NTAQ1: variants seen among roughly 807,000 people sequenced by gnomAD.
NTAQ1 encodes N-terminal glutamine amidase 1, also known as protein N-terminal glutamine amidohydrolase.
A neutral mutation model predicts 28.2 loss-of-function variants in NTAQ1; 21 were observed. That is an observed-to-expected ratio of 0.74 (90% CI 0.53 to 1.07). The LOEUF (loss-of-function observed/expected upper bound fraction) is 1.07, where lower values mean the gene tolerates loss of function less well. NTAQ1 is among the 50% of genes least tolerant of loss of function. The pLI, the probability that NTAQ1 is intolerant of heterozygous loss-of-function variation, is 0.00. For synonymous variants in NTAQ1, 105 were observed against 90.0 expected (o/e 1.17, Z -0.94); for missense variants, 264 against 256.6 (o/e 1.03, Z -0.20).
At chr8:123,444,055 CTT>C (rs398068230), downstream of NTAQ1, among the ~76,000 whole-genome samples, 2 of 132,934 alleles carry the variant, frequency 1.5e-5, no homozygotes, top group African/African-American at 2.9e-5. Flanking sequence ...TAAACTTTTT[CTT>C]TTTTTTTTTT....
chr8:123,457,861 G>T (rs1472722468), intron 6 of NTAQ1, among the ~76,000 whole-genome samples: 1 of 151,368 alleles, frequency 6.6e-6, no homozygotes, highest in Non-Finnish European at 1.5e-5. Flanking sequence ...TGGTGAAACT[G>T]CATCTCTGCT....
chr8:123,420,590 CTT>C (rs71310676), intron 1 of NTAQ1, among the ~76,000 whole-genome samples: 58 of 102,054 alleles, frequency 5.7e-4, no homozygotes, highest in African/African-American at 1.8e-3. Flanking sequence ...TATTTTTTGC[CTT>C]TTTTTTTTTT....
At chr8:123,437,356 G>T in intron 5 of NTAQ1, 22 bp downstream of exon 5, 1 of 1,613,450 alleles carries the variant, frequency 6.2e-7, no homozygotes, top group South Asian at 1.1e-5. Context: ...TGCCTTCTCA[G>T]ATGGGGGTTC....
At chr8:123,449,171 C>T (rs1479891735), downstream of NTAQ1, among the ~76,000 whole-genome samples, 1 of 152,194 alleles carries the variant, frequency 6.6e-6, no homozygotes. Context: ...AGTGTTCTGA[C>T]TGAGTCTGGT....
At chr8:123,436,215 T>C (rs1300870455) in intron 3 of NTAQ1, among the ~76,000 whole-genome samples, 1 of 151,838 alleles carries the variant, frequency 6.6e-6, no homozygotes, top group Non-Finnish European at 1.5e-5. Flanking sequence ...AAATTGCAGT[T>C]TCAGAGGATG....
At chr8:123,469,500 C>T (rs1280161042) in exon 7 of NTAQ1, among the ~76,000 whole-genome samples, 2 of 152,162 alleles carry the variant, frequency 1.3e-5, no homozygotes, top group African/African-American at 4.8e-5. Flanking sequence ...TGTTTGTCTT[C>T]TCCCTTCTAA....
rs373023368 is a variant in NTAQ1, at chr8:123,437,306, G to A, written c.480G>A (p.Pro160=). The A allele has an allele frequency of 2.6e-5, 42 of 1,613,852 alleles. No homozygotes were observed. The highest frequency in any genetic ancestry group is 1.6e-4 in the Middle Eastern group (1 of 6,084). Residue 160 remains proline (P), a synonymous_variant, in exon 5 of 6, where the codon CCG becomes CCA. Coordinates refer to ENST00000287387, the MANE Select transcript of NTAQ1 (RefSeq NM_018024.3). The stretch of plus-strand genomic sequence containing the variant: ...CCAGTGGGAATTGGAGAGAGCCTCC[G>A]CCGCCATATCCCTGCATTGAGACTG... ...KDSSGNWREP[P]PPYPCIETGD...
intron 1 of NTAQ1, among the ~76,000 whole-genome samples, chr8:123,425,386 C>T (rs1253918625): frequency 6.6e-6 from 1 of 152,026 alleles, no homozygotes; most frequent in Non-Finnish European, 1.5e-5. Flanking sequence ...GCCACCATGC[C>T]CGGCCCAGTC....
intron 1 of NTAQ1, among the ~76,000 whole-genome samples, chr8:123,421,159 C>T (rs1312400559): frequency 2.0e-5 from 3 of 152,202 alleles, no homozygotes; most frequent in African/African-American, 7.2e-5. Context: ...TCATGGCTCA[C>T]TGCAGCCTCG....
At chr8:123,442,633 G>A (rs1387005625), downstream of NTAQ1, among the ~76,000 whole-genome samples, 1 of 149,972 alleles carries the variant, frequency 6.7e-6, no homozygotes, top group Non-Finnish European at 1.5e-5. Context: ...GACATTTAAT[G>A]GTAATCCTCC....
intron 6 of NTAQ1, among the ~76,000 whole-genome samples, chr8:123,454,781 A>G (rs560694376): frequency 5.3e-5 from 8 of 152,136 alleles, no homozygotes; most frequent in Non-Finnish European, 1.0e-4. Flanking sequence ...CATTCATTCT[A>G]CCATCAAGAA....
chr8:123,447,014 C>G (rs538175848), downstream of NTAQ1, among the ~76,000 whole-genome samples: 60 of 146,604 alleles, frequency 4.1e-4, no homozygotes, highest in African/African-American at 1.4e-3. Flanking sequence ...GTGCCCTGTT[C>G]ATTGTCTGCT....
chr8:123,419,024 C>T (rs890282508), intron 1 of NTAQ1, among the ~76,000 whole-genome samples: 5 of 151,220 alleles, frequency 3.3e-5, no homozygotes, highest in Admixed American at 1.3e-4. Flanking sequence ...GTGCTCTACC[C>T]TGTCTGAACA....
In NTAQ1 at chr8:123,428,043, C is replaced by A; in HGVS notation, c.183+20C>A. The A allele has an allele frequency of 1.3e-6, 2 of 1,521,692 alleles. No homozygotes were observed. The highest frequency in any genetic ancestry group is 1.2e-5 in the South Asian group (1 of 80,942). The allele number at this position is 1,521,692 out of a possible 1,614,324, so 94.3% of individuals were successfully genotyped here. ...AAGATGGTAAGTTGGTGAGTGATTG[C>A]AGAAAGAAAACAAGAGATTTAGGAT... On this transcript the variant is annotated intron_variant, in intron 2 of 5. Coordinates refer to ENST00000287387, the MANE Select transcript of NTAQ1 (RefSeq NM_018024.3).
At chr8:123,417,685 C>T (rs1353410477) in intron 1 of NTAQ1, among the ~76,000 whole-genome samples, 1 of 152,098 alleles carries the variant, frequency 6.6e-6, no homozygotes, top group Non-Finnish European at 1.5e-5. Context: ...TCAGTGCTAT[C>T]TAAACCTACT....
rs202121604 is a variant in NTAQ1, at chr8:123,421,620, C to T, written c.83+4688C>T. On this transcript the variant is annotated intron_variant, in intron 1 of 5. Transcript: ENST00000287387. ...GCCTCCCAGGTTCAAGTGATGCTCC[C>T]AGCTGAGCCTCCAGAGTAGCTGGGA... 1.4e-4 allele frequency among the ~76,000 whole-genome samples: 21 copies of T among 150,456 alleles called. No homozygotes were observed. The East Asian group carries it at 3.6e-3, about 26-fold the overall frequency.
chr8:123,438,571 A>ACTTGAACCGGGTAATTG (rs1328719168), intron 5 of NTAQ1, among the ~76,000 whole-genome samples: 2 of 151,816 alleles, frequency 1.3e-5, no homozygotes, highest in Admixed American at 6.6e-5. Context: ...CAGGAGAATT[A>ACTTGAACCGGGTAATTG]CTTGAACCGG....
rs146085909 is a variant in NTAQ1 at position 123,441,529 on chromosome 8, T to C, written c.*114T>C. On this transcript the variant is annotated 3_prime_UTR_variant, in exon 6 of 6. Transcript: ENST00000287387. ...TTGGCTTGGAATTATGTCTTTCTCT[T>C]TTAATTTGATTGAGTGGAAATCTGA... The C allele has an allele frequency of 6.7e-4, 540 of 809,054 alleles. 1 individual carries two copies. The African/African-American group carries it at 8.5e-3, about 13-fold the overall frequency. The allele number at this position is 809,054 out of a possible 1,614,324, so 50.1% of individuals were successfully genotyped here. A position where few individuals can be genotyped will look rare whatever the true frequency, so the allele number is the denominator to read the frequency against.
chr8:123,442,963 C>T (rs1185881627), downstream of NTAQ1, among the ~76,000 whole-genome samples: 3 of 151,790 alleles, frequency 2.0e-5, no homozygotes, highest in East Asian at 2.0e-4. Context: ...CCACCGCGCC[C>T]GGCCCCCTTC....
Sources: gnomAD v4.1 joint callset for allele counts (sites outside exome capture counted in the v4.1 genomes callset) on GRCh38, gnomAD v4.1.1 for gene constraint, MANE v1.5 for transcripts, NCBI Gene and HGNC (gene_info 2026-07-23, HGNC 2026-07-21) for gene names.